RGS6: variants seen among roughly 807,000 people sequenced by gnomAD.
The protein encoded by RGS6 is regulator of G-protein signaling 6.
Under a neutral mutation model 78.5 loss-of-function variants are expected in RGS6, and 30 were observed. The ratio of observed to expected loss-of-function variants is 0.38; its 90% CI spans 0.29 to 0.52. The LOEUF (loss-of-function observed/expected upper bound fraction) is 0.52. Among genes scored for constraint, RGS6 ranks in the 20% least tolerant of loss-of-function variants. The pLI is 0.85. For synonymous variants in RGS6, 206 were observed against 206.0 expected (o/e 1.00, Z 0.00); for missense variants, 495 against 609.7 (o/e 0.81, Z 1.98).
intron 2 of RGS6, among the ~76,000 whole-genome samples, chr14:72,109,768 T>TA (rs2095712362): frequency 6.6e-6 from 1 of 152,170 alleles, no homozygotes; most frequent in Non-Finnish European, 1.5e-5. Context: ...ACATAAAAAA[T>TA]ATGTTGACCC....
At chr14:71,908,577 GT>G in the RGS6 span, 2 of 151,524 alleles carry the variant, frequency 1.3e-5, no homozygotes, top group African/African-American at 4.9e-5. Context: ...AGAACAGTCA[GT>G]GTCTGATTTA....
At chr14:72,191,304 A>G (rs889620933) in intron 2 of RGS6, among the ~76,000 whole-genome samples, 1 of 149,878 alleles carries the variant, frequency 6.7e-6, no homozygotes, top group Non-Finnish European at 1.5e-5. Flanking sequence ...ATGAGGTTTC[A>G]ACTCACACCA....
chr14:72,290,206 G>A (rs1055548832), intron 2 of RGS6, among the ~76,000 whole-genome samples: 4 of 152,152 alleles, frequency 2.6e-5, no homozygotes, highest in Non-Finnish European at 5.9e-5. Context: ...ACTGATCTCC[G>A]AGTTCAAGCG....
the RGS6 span, among the ~76,000 whole-genome samples, chr14:71,880,712 G>A: frequency 3.3e-5 from 5 of 152,258 alleles, no homozygotes; most frequent in African/African-American, 1.2e-4. Flanking sequence ...ATGCCTGGAT[G>A]TCCAGGAACA....
At chr14:72,285,663 C>CT (rs1215642917) in intron 2 of RGS6, among the ~76,000 whole-genome samples, 1 of 152,170 alleles carries the variant, frequency 6.6e-6, no homozygotes, top group African/African-American at 2.4e-5. Flanking sequence ...GTTCCAGTTT[C>CT]TTTACATCCT....
At chr14:72,384,366 G>C (rs1008895076) in intron 3 of RGS6, among the ~76,000 whole-genome samples, 1 of 152,188 alleles carries the variant, frequency 6.6e-6, no homozygotes, top group African/African-American at 2.4e-5. Flanking sequence ...CCACACATGA[G>C]AATAGTTATT....
intron 2 of RGS6, among the ~76,000 whole-genome samples, chr14:72,021,179 G>A (rs1005939808): frequency 3.9e-5 from 6 of 152,036 alleles, no homozygotes; most frequent in South Asian, 4.2e-4. Flanking sequence ...AGACGTCTTT[G>A]TCCTTCCTTT....
chr14:72,381,641 A>G (rs1005125898), intron 3 of RGS6, among the ~76,000 whole-genome samples: 2 of 152,148 alleles, frequency 1.3e-5, no homozygotes, highest in African/African-American at 4.8e-5. Flanking sequence ...AGTGAAAGGA[A>G]TGTATCACTA....
chr14:72,544,976 C>T (rs540117082), intron 17 of RGS6, among the ~76,000 whole-genome samples: 11 of 152,218 alleles, frequency 7.2e-5, no homozygotes, highest in Non-Finnish European at 1.6e-4. Context: ...GCTCCTGCCC[C>T]CAGGAAGGCG....
chr14:72,105,890 T>C (rs1295327050), intron 2 of RGS6, among the ~76,000 whole-genome samples: 2 of 152,230 alleles, frequency 1.3e-5, no homozygotes, highest in African/African-American at 4.8e-5. Flanking sequence ...AGGTGTGGGC[T>C]TTATGCATGA....
chr14:72,088,376 G>A (rs919550757), intron 2 of RGS6, among the ~76,000 whole-genome samples: 9 of 152,030 alleles, frequency 5.9e-5, no homozygotes, highest in South Asian at 4.2e-4. Flanking sequence ...CTTGCCTTGC[G>A]CCGATTGCTG....
intron 9 of RGS6, among the ~76,000 whole-genome samples, 171 bp from the exon 10 acceptor site, chr14:72,474,454 G>A (rs1024080284): frequency 8.5e-5 from 13 of 152,108 alleles, no homozygotes; most frequent in African/African-American, 3.1e-4. Context: ...AGCTTTTCTA[G>A]ATCGTATGGG....
At chr14:72,520,924 C>T (rs966686361) in intron 15 of RGS6, among the ~76,000 whole-genome samples, 3 of 152,128 alleles carry the variant, frequency 2.0e-5, no homozygotes, top group Admixed American at 6.5e-5. Flanking sequence ...CAGTCTTTGC[C>T]CTTACCCAGA....
At chr14:72,420,995 A>G (rs1372065286) in intron 3 of RGS6, 1 of 152,086 alleles carries the variant, frequency 6.6e-6, no homozygotes, top group Non-Finnish European at 1.5e-5. Flanking sequence ...GGCAGAAAGG[A>G]ATGCCGGCCT....
intron 2 of RGS6, among the ~76,000 whole-genome samples, chr14:72,108,241 A>G (rs972572436): frequency 5.3e-5 from 8 of 152,172 alleles, no homozygotes; most frequent in African/African-American, 1.9e-4. Flanking sequence ...TGAGTACCCT[A>G]GATACATTAG....
chr14:72,604,446 T>C, the RGS6 span, among the ~76,000 whole-genome samples: 1 of 152,206 alleles, frequency 6.6e-6, no homozygotes, highest in African/African-American at 2.4e-5. Flanking sequence ...TGGGACCACA[T>C]ATCTGTGGTT....
chr14:72,397,488 T>C (rs2091593679), intron 3 of RGS6, among the ~76,000 whole-genome samples: 3 of 152,080 alleles, frequency 2.0e-5, no homozygotes, highest in African/African-American at 7.2e-5. Flanking sequence ...AATCATGTCA[T>C]CTGCAAACAG....
At chr14:72,411,553 T>C (rs1422262140) in intron 3 of RGS6, among the ~76,000 whole-genome samples, 1 of 152,198 alleles carries the variant, frequency 6.6e-6, no homozygotes, top group Non-Finnish European at 1.5e-5. Context: ...ATGAATACCC[T>C]TTATTTCCTT....
At chr14:71,876,747 G>A in the RGS6 span, among the ~76,000 whole-genome samples, 1 of 152,008 alleles carries the variant, frequency 6.6e-6, no homozygotes, top group Non-Finnish European at 1.5e-5. Flanking sequence ...TTGCTCGTTA[G>A]TAGATGCAGT....
Sources: gnomAD v4.1 joint callset for allele counts (sites outside exome capture counted in the v4.1 genomes callset) on GRCh38, gnomAD v4.1.1 for gene constraint, MANE v1.5 for transcripts, NCBI Gene and HGNC (gene_info 2026-07-23, HGNC 2026-07-21) for gene names.